The following SLIT3 variants were observed in gnomAD, a reference collection of about 807,000 sequenced individuals.
SLIT3 encodes the protein slit guidance ligand 3, also known as slit homolog 3 protein.
A neutral mutation model predicts 184.0 loss-of-function variants in SLIT3; 68 were observed. The observed-to-expected ratio is 0.37, with a 90% CI of 0.30 to 0.45. SLIT3 has a LOEUF of 0.45. Ranked by LOEUF, SLIT3 falls within the 20% of genes least tolerant of loss-of-function variation. The probability of loss-of-function intolerance (pLI) is 1.00; values close to 1 mark genes in which losing one functional copy is unlikely to be tolerated. For missense variants in SLIT3, 1,707 were observed against 2,026.0 expected (o/e 0.84, Z 3.02); for synonymous variants, 831 against 828.6 (o/e 1.00, Z -0.05).
At chr5:169,077,539 A>AAAAAAACAAAAAAC (rs562009328) in intron 4 of SLIT3, among the ~76,000 whole-genome samples, 1 of 149,592 alleles carries the variant, frequency 6.7e-6, no homozygotes, top group Admixed American at 6.6e-5. Context: ...ACCCCGTCTC[A>AAAAAAACAAAAAAC]AAAAAACAAA....
intron 18 of SLIT3, among the ~76,000 whole-genome samples, chr5:168,750,717 T>C (rs546964742): frequency 6.6e-6 from 1 of 152,178 alleles, no homozygotes; most frequent in East Asian, 1.9e-4. Flanking sequence ...CAACCCATTG[T>C]CCTCTCCTGT....
At chr5:169,151,999 C>T (rs144969916) in intron 4 of SLIT3, among the ~76,000 whole-genome samples, 18 of 152,332 alleles carry the variant, frequency 1.2e-4, no homozygotes, top group Non-Finnish European at 2.5e-4. Flanking sequence ...GCTTGTGCAA[C>T]ACTTAGCACA....
chr5:168,683,953 G>T lies in SLIT3; in HGVS notation c.3686+13C>A, dbSNP rs776324224. On this transcript the variant is annotated intron_variant, in intron 32 of 35. Transcript: ENST00000519560. ...GGAACACACAGTGGGTCAGGAGGGA[G>T]AGAGGCCCTTACCTGTACACTGTGG... 1 of 1,510,182 alleles carries T rather than the reference G, an allele frequency of 6.6e-7. No homozygotes were observed. The highest frequency in any genetic ancestry group is 8.9e-7 in the Non-Finnish European group (1 of 1,120,664). The allele number at this position is 1,510,182 out of a possible 1,614,324, so 93.5% of individuals were successfully genotyped here. A position where few individuals can be genotyped will look rare whatever the true frequency, so the allele number is the denominator to read the frequency against.
At chr5:168,960,086 G>A (rs1374092122) in intron 4 of SLIT3, among the ~76,000 whole-genome samples, 1 of 152,170 alleles carries the variant, frequency 6.6e-6, no homozygotes, top group Non-Finnish European at 1.5e-5. Flanking sequence ...AGAGTCTCAG[G>A]TATTCTGTTG....
chr5:169,152,691 G>A (rs1190128258), intron 4 of SLIT3, among the ~76,000 whole-genome samples: 2 of 152,174 alleles, frequency 1.3e-5, no homozygotes, highest in African/African-American at 2.4e-5. Context: ...CCTGCCCAGT[G>A]TATCCAATAC....
chr5:168,760,575 G>A (rs894308168), intron 16 of SLIT3, among the ~76,000 whole-genome samples: 1 of 152,164 alleles, frequency 6.6e-6, no homozygotes, highest in African/African-American at 2.4e-5. Flanking sequence ...CCTGGGGTAG[G>A]TGTTGGATGG....
At chr5:168,698,559 T>G (rs1306248708) in intron 27 of SLIT3, among the ~76,000 whole-genome samples, 3 of 152,188 alleles carry the variant, frequency 2.0e-5, no homozygotes, top group Non-Finnish European at 2.9e-5. Flanking sequence ...CACCTTGATT[T>G]GGAACTTCTA....
At chr5:168,892,098 A>G (rs1760485147) in intron 4 of SLIT3, among the ~76,000 whole-genome samples, 1 of 152,218 alleles carries the variant, frequency 6.6e-6, no homozygotes, top group East Asian at 1.9e-4. Flanking sequence ...ACGGAAATAT[A>G]TCACAAGCCA....
In SLIT3 at chr5:168,979,489, C is replaced by CT. The variant is rs562272452; in HGVS notation, c.414-96154dup. Among the ~76,000 whole-genome samples, 134 of 152,300 alleles carry CT rather than the reference C, an allele frequency of 8.8e-4. No homozygotes were observed. The Middle Eastern group carries it at 0.014, about 15-fold the overall frequency. On this transcript the variant is annotated intron_variant, in intron 4 of 35. Coordinates refer to ENST00000519560, the MANE Select transcript of SLIT3 (RefSeq NM_003062.4). ...TTCCCCTGTTTACCAGGAGGAACTC[C>CT]TTTTTTTCTGTACTTCACTATTTTC...
chr5:168,784,232 T>C (rs1351338860), intron 12 of SLIT3, among the ~76,000 whole-genome samples: 1 of 152,240 alleles, frequency 6.6e-6, no homozygotes, highest in African/African-American at 2.4e-5. Flanking sequence ...ACTAGCCTTA[T>C]GGTGGCAGTT....
At chr5:169,255,838 G>A (rs535922874) in intron 1 of SLIT3, among the ~76,000 whole-genome samples, 15 of 152,106 alleles carry the variant, frequency 9.9e-5, no homozygotes, top group African/African-American at 1.2e-4. Flanking sequence ...AGCCGAGATC[G>A]CGCCACTGCA....
At chr5:168,927,881 T>C (rs182437301) in intron 4 of SLIT3, among the ~76,000 whole-genome samples, 276 of 152,372 alleles carry the variant, frequency 1.8e-3, no homozygotes, top group Non-Finnish European at 1.7e-3. Context: ...CTGAGACATG[T>C]TTAACAGCCA....
chr5:169,032,262 A>G (rs1757054108), intron 4 of SLIT3, among the ~76,000 whole-genome samples: 1 of 152,224 alleles, frequency 6.6e-6, no homozygotes, highest in South Asian at 2.1e-4. Flanking sequence ...CTGAGTAAAT[A>G]TGAAAGAACA....
At chr5:168,950,157 C>T (rs1315509005) in intron 4 of SLIT3, among the ~76,000 whole-genome samples, 6 of 151,084 alleles carry the variant, frequency 4.0e-5, no homozygotes, top group African/African-American at 1.5e-4. Context: ...GAGGAATGCT[C>T]ATGAATGAAA....
intron 4 of SLIT3, among the ~76,000 whole-genome samples, chr5:169,102,995 A>G (rs1760075228): frequency 6.6e-6 from 1 of 152,202 alleles, no homozygotes; most frequent in African/African-American, 2.4e-5. Flanking sequence ...CTAAAACTTG[A>G]CTATGATAAT....
At chr5:168,754,097 ACT>A in intron 16 of SLIT3, 90 bp from the exon 17 acceptor site, 1 of 1,402,330 alleles carries the variant, frequency 7.1e-7, no homozygotes, top group Admixed American at 2.1e-5. Context: ...GCTGCTGGGG[ACT>A]CTCTGGGGCC....
intron 4 of SLIT3, among the ~76,000 whole-genome samples, chr5:168,931,002 AATGC>A (rs1385372793): frequency 1.3e-5 from 2 of 152,130 alleles, no homozygotes; most frequent in Non-Finnish European, 1.5e-5. Context: ...CAGGTCTGGC[AATGC>A]CACTGCCTTC....
At chr5:168,873,484 A>C (rs917890030) in intron 5 of SLIT3, among the ~76,000 whole-genome samples, 2 of 150,874 alleles carry the variant, frequency 1.3e-5, no homozygotes, top group Non-Finnish European at 2.9e-5. Context: ...AAAAAAAATT[A>C]GCCGGGTGTG....
rs573626927 is a variant in SLIT3 at position 169,078,988 on chromosome 5, T to C, written c.413+114491A>G. The stretch of plus-strand genomic sequence containing the variant: ...TCACACTGGATTTTAAGCTTTCTCA[T>C]GGCACAGAATTCTGGAGGAGATTGG... On this transcript the variant is annotated intron_variant, in intron 4 of 35. Coordinates refer to ENST00000519560, the MANE Select transcript of SLIT3 (RefSeq NM_003062.4). Among the ~76,000 whole-genome samples, 12 of 152,340 alleles carry C rather than the reference T, an allele frequency of 7.9e-5. No individual in the cohort carries two copies. In the East Asian group the frequency reaches 2.3e-3, roughly 29 times the overall value.
Sources: gnomAD v4.1 joint callset for allele counts (sites outside exome capture counted in the v4.1 genomes callset) on GRCh38, gnomAD v4.1.1 for gene constraint, MANE v1.5 for transcripts, NCBI Gene and HGNC (gene_info 2026-07-23, HGNC 2026-07-21) for gene names.